The following WASHC2A variants were observed in gnomAD, a reference collection of about 807,000 sequenced individuals.
The protein encoded by WASHC2A is WASH complex subunit FAM21A.
A neutral mutation model predicts 140.3 loss-of-function variants in WASHC2A; 82 were observed. That is an observed-to-expected ratio of 0.58 (90% CI 0.49 to 0.70). The LOEUF (loss-of-function observed/expected upper bound fraction) is 0.70, where lower values mean the gene tolerates loss of function less well. Ranked by LOEUF, WASHC2A falls within the 30% of genes least tolerant of loss-of-function variation. The pLI, the probability that WASHC2A is intolerant of heterozygous loss-of-function variation, is 0.00. For missense variants in WASHC2A, 985 were observed against 1,521.8 expected (o/e 0.65, Z 5.87); for synonymous variants, 340 against 560.8 (o/e 0.61, Z 5.56).
At chr10:50,111,902 C>T (rs1842320106) in intron 20 of WASHC2A, among the ~76,000 whole-genome samples, 1 of 152,076 alleles carries the variant, frequency 6.6e-6, no homozygotes, top group African/African-American at 2.4e-5. Context: ...ATGTCACGCA[C>T]CTGTAATCCC....
chr10:50,083,312 A>G lies in WASHC2A; in HGVS notation c.529-760A>G, dbSNP rs190831496. Among the ~76,000 whole-genome samples the G allele has an allele frequency of 2.2e-4, 25 of 115,602 alleles. 5 individuals carry two copies. The highest frequency in any genetic ancestry group is 9.2e-4 in the Admixed American group (11 of 12,020). 75.8% of individuals were successfully genotyped at this position (115,602 alleles called of 152,430 possible). A position where few individuals can be genotyped will look rare whatever the true frequency, so the allele number is the denominator to read the frequency against. Reference sequence around the variant, plus strand: ...ACTGTGCCCGGCCTAATCTATTTTTATATTAAAATATATAGTTACATTATG... The same window carrying G: ...ACTGTGCCCGGCCTAATCTATTTTTGTATTAAAATATATAGTTACATTATG... On this transcript the variant is annotated intron_variant, in intron 5 of 30. Transcript: ENST00000282633.
chr10:50,086,145 A>G (rs1350459842), intron 7 of WASHC2A, among the ~76,000 whole-genome samples: 1 of 151,634 alleles, frequency 6.6e-6, no homozygotes, highest in Non-Finnish European at 1.5e-5. Context: ...GCCATGTTGC[A>G]GGAGAGTCCT....
rs1284942101 is a variant in WASHC2A at position 50,129,930 on chromosome 10, C to T, written c.3599C>T (p.Pro1200Leu). The T allele has an allele frequency of 6.2e-7, 1 of 1,611,844 alleles. No homozygotes were observed. The highest frequency in any genetic ancestry group is 8.5e-7 in the Non-Finnish European group (1 of 1,179,856). Residue 1200 changes from proline to leucine, a missense_variant, in exon 29 of 31, where the codon CCT (proline) becomes CTT (leucine). Pro to Leu is a moderately conservative substitution (Grantham distance 98). Transcript: ENST00000282633. ...CCAGCAAAGAAAACAAATCCCTTTC[C>T]TCTCCTGGAAGATGAGGATGACCTC... ...PKPAKKTNPF[P>L]LLEDEDDLFT... is the part of the protein sequence containing the mutation.
chr10:50,130,769 A>G (rs1362257454), intron 29 of WASHC2A, 132 bp from the exon 30 acceptor site: 2 of 1,407,698 alleles, frequency 1.4e-6, no homozygotes, highest in Non-Finnish European at 1.9e-6. Context: ...AGTGCATCCC[A>G]GGCAGAGTGG....
intron 7 of WASHC2A, among the ~76,000 whole-genome samples, chr10:50,086,892 GCAA>G (rs1839435656): frequency 7.9e-6 from 1 of 127,040 alleles, no homozygotes; most frequent in Admixed American, 8.9e-5. Context: ...TGTGAATAAT[GCAA>G]GGAAATAGAG....
intron 20 of WASHC2A, among the ~76,000 whole-genome samples, chr10:50,111,811 C>T (rs1432231488): frequency 1.2e-4 from 19 of 152,136 alleles, no homozygotes; most frequent in Admixed American, 7.9e-4. Flanking sequence ...AGGCAGATCA[C>T]GAGGTCAGGA....
intron 14 of WASHC2A, 41 bp from the exon 15 acceptor site, chr10:50,095,558 A>G: frequency 1.2e-6 from 2 of 1,611,478 alleles, no homozygotes; most frequent in South Asian, 2.2e-5. Flanking sequence ...ACCGGCCCAC[A>G]CTGGCTCACA....
At position 50,093,414 on chromosome 10, in the gene WASHC2A, C is replaced by T. The variant is rs781863325; in HGVS notation, c.1122+28C>T. 345 of 1,262,818 alleles carry T rather than the reference C, an allele frequency of 2.7e-4. 44 individuals are homozygous for T. The highest frequency in any genetic ancestry group is 3.0e-4 in the Middle Eastern group (1 of 3,364). The allele number at this position is 1,262,818 out of a possible 1,614,324, so 78.2% of individuals were successfully genotyped here. On this transcript the variant is annotated intron_variant, in intron 12 of 30. Transcript: ENST00000282633. ...GAGTCCATGGCACCCAGCAACACTC[C>T]CTGCAGCTAGCTGTGTCAGGGGTCC...
intron 14 of WASHC2A, 130 bp downstream of exon 14, chr10:50,095,337 T>C (rs1394371918): frequency 8.4e-5 from 77 of 916,138 alleles, no homozygotes; most frequent in Non-Finnish European, 1.0e-4. Flanking sequence ...TTGAGCATCT[T>C]ATAGAAAGAG....
intron 5 of WASHC2A, among the ~76,000 whole-genome samples, chr10:50,083,587 T>A (rs1457112186): frequency 8.2e-6 from 1 of 122,660 alleles, no homozygotes; most frequent in Non-Finnish European, 1.7e-5. Flanking sequence ...GATGGAGTTT[T>A]GCTCTTATTG....
rs1839648320 is a variant in WASHC2A at position 50,089,090 on chromosome 10, A to G, written c.733-1686A>G. Among the ~76,000 whole-genome samples, 3 of 150,974 alleles carry G rather than the reference A, an allele frequency of 2.0e-5. No homozygotes were observed. The South Asian group carries it at 6.3e-4, about 32-fold the overall frequency. ...AGTGATTCTCATGCCTCAGCCTCCCAAGTAGCTGGGATTATAGGCATGTGC... is the reference window on the plus strand; with the variant it reads ...AGTGATTCTCATGCCTCAGCCTCCCGAGTAGCTGGGATTATAGGCATGTGC... On this transcript the variant is annotated intron_variant, in intron 8 of 30. Coordinates refer to ENST00000282633, the MANE Select transcript of WASHC2A (RefSeq NM_001005751.3).
chr10:50,130,896 A>T lies in WASHC2A; in HGVS notation c.3709-5A>T, dbSNP rs773811075. ...TTATTTTGTATGTATTTTTGGCTTA[A>T]CAAGGATGATATATTTGCTACGGAA... On this transcript the variant is annotated splice_polypyrimidine_tract_variant and splice_region_variant and intron_variant, in intron 29 of 30. Transcript: ENST00000282633. 6.2e-7 allele frequency: 1 copy of T among 1,601,350 alleles called. No individual in the cohort carries two copies. The highest frequency in any genetic ancestry group is 2.2e-5 in the East Asian group (1 of 44,854).
At chr10:50,127,092 A>G (rs1328498697) in intron 26 of WASHC2A, 68 bp from the exon 27 acceptor site, 20 of 1,589,994 alleles carry the variant, frequency 1.3e-5, no homozygotes, top group Non-Finnish European at 1.6e-5. Flanking sequence ...AGATTTATTT[A>G]CAGGCATAAG....
At chr10:50,101,260 A>T (rs1841131344) in intron 17 of WASHC2A, among the ~76,000 whole-genome samples, 2 of 152,308 alleles carry the variant, frequency 1.3e-5, no homozygotes, top group Non-Finnish European at 2.9e-5. Flanking sequence ...CCCATGTGTC[A>T]CCCACACCTG....
chr10:50,131,459 A>G (rs1332294124), intron 30 of WASHC2A, among the ~76,000 whole-genome samples: 3 of 152,228 alleles, frequency 2.0e-5, no homozygotes, highest in African/African-American at 7.2e-5. Context: ...TGGTTGAGTC[A>G]GAGCTCCAGA....
chr10:50,114,116 T>C (rs1842501761), intron 21 of WASHC2A, 119 bp downstream of exon 21: 1 of 340,392 alleles, frequency 2.9e-6, no homozygotes, highest in Non-Finnish European at 5.0e-6. Context: ...TGGAAGACCT[T>C]ATTTGCCTGG....
chr10:50,070,208 C>T (rs1554875748), intron 3 of WASHC2A, among the ~76,000 whole-genome samples: 1 of 152,136 alleles, frequency 6.6e-6, no homozygotes, highest in East Asian at 1.9e-4. Context: ...GATTACTGAG[C>T]TTAAATCTAT....
intron 3 of WASHC2A, among the ~76,000 whole-genome samples, chr10:50,071,999 C>T (rs1554876400): frequency 7.4e-6 from 1 of 135,910 alleles, no homozygotes; most frequent in Non-Finnish European, 1.6e-5. Flanking sequence ...ACATCCGCCT[C>T]CCGTGTTCAA....
At chr10:50,130,417 C>T (rs1252602598) in intron 29 of WASHC2A, among the ~76,000 whole-genome samples, 1 of 150,322 alleles carries the variant, frequency 6.7e-6, no homozygotes, top group Non-Finnish European at 1.5e-5. Flanking sequence ...TTGGCCCTGG[C>T]TGGAGCTGAC....
Sources: gnomAD v4.1 joint callset for allele counts (sites outside exome capture counted in the v4.1 genomes callset) on GRCh38, gnomAD v4.1.1 for gene constraint, MANE v1.5 for transcripts, NCBI Gene and HGNC (gene_info 2026-07-23, HGNC 2026-07-21) for gene names.